The following DTNB variants were observed in gnomAD, a reference collection of about 807,000 sequenced individuals.
DTNB encodes DTN-B.
In DTNB, 63 loss-of-function variants were observed where a neutral mutation model predicts 90.7. That is an observed-to-expected ratio of 0.69 (90% CI 0.57 to 0.86). The LOEUF (loss-of-function observed/expected upper bound fraction) is 0.86, where lower values mean the gene tolerates loss of function less well. Among genes scored for constraint, DTNB ranks in the 40% least tolerant of loss-of-function variants. DTNB has a pLI of 0.00. For missense variants in DTNB, 744 were observed against 807.1 expected (o/e 0.92, Z 0.95); for synonymous variants, 277 against 286.7 (o/e 0.97, Z 0.34).
intron 8 of DTNB, among the ~76,000 whole-genome samples, chr2:25,533,097 G>A (rs1185443262): frequency 6.6e-6 from 1 of 152,082 alleles, no homozygotes; most frequent in Non-Finnish European, 1.5e-5. Flanking sequence ...GCAGAGGCGG[G>A]TGCATCTCTT....
In DTNB at chr2:25,628,257, C is replaced by T; in HGVS notation, c.276G>A (p.Leu92=). The change falls in exon 4 of 21, where the codon TTG becomes TTA. Residue 92 remains leucine (L), a synonymous_variant. Transcript: ENST00000406818. ...GGTGAGTAGAAGGAAGGCGCTTGTT[C>T]AACTGATAGTAGATGGAGGAGATGA... The part of the protein sequence containing the change: ...ETVISSIYYQ[L]NKRLPSTHQI... 1 of 1,612,910 alleles carries T rather than the reference C, an allele frequency of 6.2e-7. No individual in the cohort carries two copies. The highest frequency in any genetic ancestry group is 8.5e-7 in the Non-Finnish European group (1 of 1,179,776).
intron 16 of DTNB, among the ~76,000 whole-genome samples, chr2:25,408,010 AAG>A (rs772611915): frequency 2.0e-5 from 3 of 152,108 alleles, no homozygotes; most frequent in Non-Finnish European, 2.9e-5. Flanking sequence ...ACTTGAAGTC[AAG>A]AGTTTGAGAC....
At chr2:25,389,101 G>A (rs1159112322) in intron 16 of DTNB, among the ~76,000 whole-genome samples, 4 of 152,132 alleles carry the variant, frequency 2.6e-5, no homozygotes, top group African/African-American at 7.2e-5. Flanking sequence ...GCTCGCCTTC[G>A]CCTCCCAAAG....
intron 8 of DTNB, among the ~76,000 whole-genome samples, chr2:25,546,973 A>C (rs1413646364): frequency 6.6e-6 from 1 of 151,888 alleles, no homozygotes; most frequent in Non-Finnish European, 1.5e-5. Context: ...CAGCCTTCTG[A>C]GTAGCTAGGA....
chr2:25,583,230 C>T (rs2061811703), intron 6 of DTNB, among the ~76,000 whole-genome samples: 1 of 125,636 alleles, frequency 8.0e-6, no homozygotes, highest in Non-Finnish European at 1.6e-5. Flanking sequence ...CTGAGTGATG[C>T]AGTGAGATTC....
At chr2:25,586,036 A>G (rs1202953058) in intron 6 of DTNB, among the ~76,000 whole-genome samples, 1 of 152,216 alleles carries the variant, frequency 6.6e-6, no homozygotes, top group Non-Finnish European at 1.5e-5. Context: ...AAGATTAGAA[A>G]AACTTCAAAT....
intron 1 of DTNB, among the ~76,000 whole-genome samples, chr2:25,672,299 C>G (rs145107083): frequency 6.8e-6 from 1 of 147,048 alleles, no homozygotes; most frequent in East Asian, 2.1e-4. Flanking sequence ...ACTAGAGTGA[C>G]TGACACTGCT....
chr2:25,445,351 C>T (rs1224552003), intron 12 of DTNB, among the ~76,000 whole-genome samples: 3 of 152,140 alleles, frequency 2.0e-5, no homozygotes, highest in Non-Finnish European at 4.4e-5. Context: ...TGTTCCATTT[C>T]ACTAACTAAC....
chr2:25,568,458 A>C (rs1364713316), intron 8 of DTNB, among the ~76,000 whole-genome samples: 1 of 152,152 alleles, frequency 6.6e-6, no homozygotes, highest in Non-Finnish European at 1.5e-5. Flanking sequence ...TTAAGGCTAA[A>C]GACCATTTAA....
chr2:25,486,626 C>A (rs1413332027), intron 9 of DTNB, among the ~76,000 whole-genome samples: 2 of 143,640 alleles, frequency 1.4e-5, no homozygotes, highest in Admixed American at 1.4e-4. Context: ...GAGCAAGACC[C>A]TGTCTCAAAA....
intron 13 of DTNB, 66 bp from the exon 14 acceptor site, chr2:25,433,065 A>T: frequency 6.9e-7 from 1 of 1,451,122 alleles, no homozygotes; most frequent in Non-Finnish European, 9.2e-7. Flanking sequence ...CTCTTTCCCT[A>T]TTACAACTTT....
chr2:25,528,523 A>T (rs904369247), intron 9 of DTNB, among the ~76,000 whole-genome samples: 1 of 152,232 alleles, frequency 6.6e-6, no homozygotes, highest in Non-Finnish European at 1.5e-5. Flanking sequence ...TATTTATAGA[A>T]AATTCAAAAG....
chr2:25,646,289 A>C (rs1050158985), intron 2 of DTNB, among the ~76,000 whole-genome samples: 32 of 152,076 alleles, frequency 2.1e-4, no homozygotes, highest in African/African-American at 7.2e-4. Flanking sequence ...CAGCCTGACC[A>C]ACATGGTGAA....
intron 2 of DTNB, among the ~76,000 whole-genome samples, chr2:25,641,687 C>T (rs1389239592): frequency 2.0e-5 from 3 of 152,196 alleles, no homozygotes; most frequent in Non-Finnish European, 2.9e-5. Flanking sequence ...AAAAAGGATA[C>T]AGTTCTACTC....
rs1170475215 is a variant in DTNB at position 25,555,306 on chromosome 2, A to C, written c.876+21532T>G. The stretch of plus-strand genomic sequence containing the variant: ...ACTCCGTCTCCAAAAAAAAAAAAAA[A>C]AAACAAAAAGGTCTGAAGCAAATCC... On this transcript the variant is annotated intron_variant, in intron 8 of 20. Coordinates refer to ENST00000406818, the MANE Select transcript of DTNB (RefSeq NM_021907.5). Among the ~76,000 whole-genome samples the C allele has an allele frequency of 4.6e-5, 7 of 151,582 alleles. 1 individual carries two copies. Among genetic ancestry groups the C allele is most frequent in the Non-Finnish European group, 1.0e-4 (7 of 67,928 alleles).
intron 12 of DTNB, among the ~76,000 whole-genome samples, chr2:25,451,274 A>G (rs1379396360): frequency 1.3e-5 from 2 of 152,162 alleles, no homozygotes; most frequent in African/African-American, 4.8e-5. Context: ...ATAATTTAGA[A>G]TAGAGGTGGT....
Position 25,655,331 on chromosome 2 carries a change from C to T in DTNB, c.-1-2670G>A, listed in dbSNP as rs139488510. 1.7e-3 allele frequency among the ~76,000 whole-genome samples: 263 copies of T among 152,278 alleles called. 1 individual carries two copies. Among genetic ancestry groups the T allele is most frequent in the Non-Finnish European group, 2.9e-3 (200 of 68,020 alleles). On this transcript the variant is annotated intron_variant, in intron 1 of 20. Transcript: ENST00000406818. ...GCATGCCTCCAAAGATGCCTACCCT[C>T]CTGGAGATATGTGCCTACCTCCCTC...
At chr2:25,553,641 A>C (rs1559004698) in intron 8 of DTNB, among the ~76,000 whole-genome samples, 1 of 151,176 alleles carries the variant, frequency 6.6e-6, no homozygotes, top group Admixed American at 6.6e-5. Flanking sequence ...TCAGGAGGCT[A>C]AGGCAGGAGA....
At chr2:25,666,535 T>C in intron 1 of DTNB, among the ~76,000 whole-genome samples, 1 of 152,206 alleles carries the variant, frequency 6.6e-6, no homozygotes, top group Non-Finnish European at 1.5e-5. Context: ...AAAAAGTCTT[T>C]GTATAAAGTT....
Sources: gnomAD v4.1 joint callset for allele counts (sites outside exome capture counted in the v4.1 genomes callset) on GRCh38, gnomAD v4.1.1 for gene constraint, MANE v1.5 for transcripts, NCBI Gene and HGNC (gene_info 2026-07-23, HGNC 2026-07-21) for gene names.